Variants in SEMA6D observed in about 807,000 individuals in gnomAD.
SEMA6D encodes semaphorin-6D.
Under a neutral mutation model 106.6 loss-of-function variants are expected in SEMA6D, and 35 were observed. The ratio of observed to expected loss-of-function variants is 0.33; its 90% CI spans 0.25 to 0.44. The LOEUF (loss-of-function observed/expected upper bound fraction) is 0.44. Among genes scored for constraint, SEMA6D ranks in the 20% least tolerant of loss-of-function variants. SEMA6D has a pLI of 1.00. For missense variants in SEMA6D, 1,185 were observed against 1,345.9 expected, an observed-to-expected ratio of 0.88 and a Z score of 1.87; for synonymous variants, 499 against 487.7, an observed-to-expected ratio of 1.02 and a Z score of -0.31.
intron 3 of SEMA6D, among the ~76,000 whole-genome samples, chr15:47,480,928 G>A (rs905387614): frequency 6.6e-6 from 1 of 152,022 alleles, no homozygotes; most frequent in African/African-American, 2.4e-5. Flanking sequence ...AAGACCTCAG[G>A]CTGGGTTATG....
intron 1 of SEMA6D, among the ~76,000 whole-genome samples, chr15:47,357,288 C>A (rs912583392): frequency 6.6e-6 from 1 of 151,886 alleles, no homozygotes; most frequent in Non-Finnish European, 1.5e-5. Flanking sequence ...GAGCCAAGAT[C>A]GGGCCACTGC....
intron 1 of SEMA6D, among the ~76,000 whole-genome samples, chr15:47,270,505 T>TGATG (rs2034510303): frequency 1.3e-5 from 2 of 152,032 alleles, no homozygotes; most frequent in Admixed American, 1.3e-4. Flanking sequence ...GTGAATAGAA[T>TGATG]GATGACGTGA....
chr15:47,197,016 C>T (rs919611147), intron 1 of SEMA6D, among the ~76,000 whole-genome samples: 1 of 152,128 alleles, frequency 6.6e-6, no homozygotes, highest in Admixed American at 6.5e-5. Flanking sequence ...AAAAAAATCA[C>T]ATATAAATTC....
intron 1 of SEMA6D, among the ~76,000 whole-genome samples, chr15:47,240,616 A>G (rs141902488): frequency 3.6e-4 from 55 of 152,268 alleles, no homozygotes; most frequent in African/African-American, 1.3e-3. Context: ...ATCTTATGTC[A>G]TTAGAGGAAT....
chr15:47,626,256 G>A (rs1049211819), intron 4 of SEMA6D, among the ~76,000 whole-genome samples: 3 of 152,170 alleles, frequency 2.0e-5, no homozygotes, highest in Non-Finnish European at 2.9e-5. Flanking sequence ...TTCCCCAAAT[G>A]TCCAAGGACA....
At chr15:47,768,154 C>T (rs1216594447) in intron 17 of SEMA6D, among the ~76,000 whole-genome samples, 2 of 152,172 alleles carry the variant, frequency 1.3e-5, no homozygotes, top group Non-Finnish European at 2.9e-5. Flanking sequence ...CAACAAAGTT[C>T]CATCATAGCT....
At chr15:47,695,265 A>G (rs560632692) in intron 4 of SEMA6D, among the ~76,000 whole-genome samples, 2 of 152,312 alleles carry the variant, frequency 1.3e-5, no homozygotes, top group African/African-American at 4.8e-5. Flanking sequence ...GCCCCTGTTC[A>G]CCTTTAAGAA....
chr15:47,607,658 C>T (rs2076809894), intron 4 of SEMA6D, among the ~76,000 whole-genome samples: 1 of 152,186 alleles, frequency 6.6e-6, no homozygotes, highest in Non-Finnish European at 1.5e-5. Flanking sequence ...AGATTCAGCC[C>T]TCTGTTTTAT....
intron 8 of SEMA6D, among the ~76,000 whole-genome samples, 157 bp from the exon 9 acceptor site, chr15:47,762,859 A>T (rs960060585): frequency 6.6e-6 from 1 of 152,296 alleles, no homozygotes; most frequent in East Asian, 1.9e-4. Flanking sequence ...AAGCTTGAAC[A>T]CACCCATATT....
At position 47,403,774 on chromosome 15, in the gene SEMA6D, G is replaced by A. The variant is rs532386597; in HGVS notation, c.-238-8619G>A. Among the ~76,000 whole-genome samples the A allele has an allele frequency of 1.4e-3, 206 of 152,212 alleles. 1 individual carries two copies. The Middle Eastern group carries it at 0.02, about 15-fold the overall frequency. On this transcript the variant is annotated intron_variant, in intron 1 of 19. Transcript: ENST00000558014. Reference sequence around the variant, plus strand: ...ACAAGTGGGTGAAGCAGTGCAGAGCGGCCGGTGTGGGAGATGGGGCTGGCT... The same window carrying A: ...ACAAGTGGGTGAAGCAGTGCAGAGCAGCCGGTGTGGGAGATGGGGCTGGCT...
At chr15:47,633,610 C>T (rs1446903230) in intron 4 of SEMA6D, among the ~76,000 whole-genome samples, 1 of 152,092 alleles carries the variant, frequency 6.6e-6, no homozygotes, top group African/African-American at 2.4e-5. Context: ...TCATGAATTT[C>T]ATTAGGTTTA....
chr15:47,282,817 G>C (rs1296231967), intron 1 of SEMA6D, among the ~76,000 whole-genome samples: 2 of 152,062 alleles, frequency 1.3e-5, no homozygotes, highest in African/African-American at 2.4e-5. Flanking sequence ...CAGCCCCAAG[G>C]CTCAAACCAT....
At chr15:47,340,464 T>C (rs1432591288) in intron 1 of SEMA6D, among the ~76,000 whole-genome samples, 1 of 152,240 alleles carries the variant, frequency 6.6e-6, no homozygotes, top group Non-Finnish European at 1.5e-5. Context: ...CAGTTAATCA[T>C]GGATCGTTAT....
At chr15:47,257,948 A>G (rs1209311636) in intron 1 of SEMA6D, among the ~76,000 whole-genome samples, 1 of 152,192 alleles carries the variant, frequency 6.6e-6, no homozygotes, top group Non-Finnish European at 1.5e-5. Flanking sequence ...TAGTGTATAC[A>G]CATTTAGAAT....
intron 3 of SEMA6D, among the ~76,000 whole-genome samples, chr15:47,595,411 C>T (rs1355663510): frequency 6.6e-6 from 1 of 152,030 alleles, no homozygotes; most frequent in Non-Finnish European, 1.5e-5. Flanking sequence ...TCGTTGCATC[C>T]CTGGGATAAA....
chr15:47,598,990 G>A (rs1402760931), intron 3 of SEMA6D, among the ~76,000 whole-genome samples: 1 of 152,048 alleles, frequency 6.6e-6, no homozygotes, highest in African/African-American at 2.4e-5. Context: ...TCCTAAGTCT[G>A]TGTTTCCCAA....
chr15:47,770,898 G>T lies in SEMA6D; in HGVS notation c.2335G>T (p.Val779Leu), dbSNP rs771662868. The change falls in exon 19 of 19, where the codon GTG (valine) becomes TTG (leucine). Residue 779 changes from valine (V) to leucine (L), a missense_variant. Val to Leu is a conservative substitution (Grantham distance 32, BLOSUM62 1). This residue lies in a region of SEMA6D where 750 missense variants were observed against 783.5 expected (regional missense o/e 0.96). Coordinates refer to ENST00000536845, the MANE Select transcript of SEMA6D (RefSeq NM_001358351.3). Reference sequence around the variant, plus strand: ...TCTTCCTACTCCTGAGTCTACACCCGTGCTTCACCAGAAGACCCTGCAGGC... The same window carrying T: ...TCTTCCTACTCCTGAGTCTACACCCTTGCTTCACCAGAAGACCCTGCAGGC... ...AALPTPESTP[V>L]LHQKTLQAMK... The T allele has an allele frequency of 7.4e-6, 12 of 1,613,910 alleles. No individual in the cohort carries two copies. The highest frequency in any genetic ancestry group is 1.7e-5 in the Admixed American group (1 of 59,980).
At chr15:47,433,748 C>G (rs1595984775) in intron 2 of SEMA6D, among the ~76,000 whole-genome samples, 1 of 151,972 alleles carries the variant, frequency 6.6e-6, no homozygotes, top group African/African-American at 2.4e-5. Flanking sequence ...AAAACACCAC[C>G]AAAACTTTGG....
In SEMA6D at chr15:47,263,282, G is replaced by A. The variant is rs1429898009; in HGVS notation, c.-239+78864G>A. Among the ~76,000 whole-genome samples, 8 of 152,168 alleles carry A rather than the reference G, an allele frequency of 5.3e-5. No individual in the cohort carries two copies. In the East Asian group the frequency reaches 1.2e-3, roughly 22 times the overall value. ...GACAACCTACAGAATGGGAGGAAAT[G>A]TTTGCAAACTATGCATCTGACAAAG... On this transcript the variant is annotated intron_variant, in intron 1 of 19. Transcript: ENST00000558014.
Sources: allele counts gnomAD v4.1 joint callset (sites outside exome capture counted in the v4.1 genomes callset), GRCh38; gene constraint gnomAD v4.1.1; regional missense constraint gnomAD v4.1.1; transcripts MANE v1.5; gene names NCBI Gene and HGNC (gene_info 2026-07-23, HGNC 2026-07-21).